Variants in MRPS30 observed in about 807,000 individuals in gnomAD.
MRPS30 encodes mitochondrial ribosomal protein S30.
Under a neutral mutation model 43.8 loss-of-function variants are expected in MRPS30, and 42 were observed. That is an observed-to-expected ratio of 0.96 (90% CI 0.75 to 1.24). MRPS30 has a LOEUF of 1.24. MRPS30 is among the 50% of genes most tolerant of loss of function. MRPS30 has a pLI of 0.00. For synonymous variants in MRPS30, 273 were observed against 228.2 expected (o/e 1.20, Z -1.77); for missense variants, 638 against 570.0 (o/e 1.12, Z -1.22).
Position 44,813,220 on chromosome 5 carries a change from T to C in MRPS30, c.968T>C (p.Val323Ala). ...AACTGTGCTGATCAGATAGAAGTTGTTTTTAGAGCTAATGCTATTGCAAGC... is the reference window on the plus strand; with the variant it reads ...AACTGTGCTGATCAGATAGAAGTTGCTTTTAGAGCTAATGCTATTGCAAGC... ...RQNCADQIEV[V>A]FRANAIASLF... The change falls in exon 4 of 5, where the codon GTT becomes GCT. Residue 323 changes from valine (V) to alanine (A), a missense_variant. Coordinates refer to ENST00000507110, the MANE Select transcript of MRPS30 (RefSeq NM_016640.4). The C allele has an allele frequency of 6.2e-7, 1 of 1,612,534 alleles. No homozygotes were observed. The highest frequency in any genetic ancestry group is 8.5e-7 in the Non-Finnish European group (1 of 1,179,372).
chr5:44,811,824 C>A, intron 2 of MRPS30, 91 bp from the exon 3 acceptor site: 1 of 782,160 alleles, frequency 1.3e-6, no homozygotes, highest in Non-Finnish European at 1.9e-6. Context: ...TGTGAAATCA[C>A]CTCATTTTAA....
Position 44,815,245 on chromosome 5 carries a change from A to G in MRPS30, c.*43A>G. On this transcript the variant is annotated 3_prime_UTR_variant, in exon 5 of 5. Transcript: ENST00000507110. ...AGAACTGTGGGAATATTTAAATTTT[A>G]CTGAAGGAACAATAATGATGAGATT... The G allele has an allele frequency of 6.8e-7, 1 of 1,462,626 alleles. No individual in the cohort carries two copies. The highest frequency in any genetic ancestry group is 9.1e-7 in the Non-Finnish European group (1 of 1,094,518). 90.6% of individuals were successfully genotyped at this position (1,462,626 alleles called of 1,614,324 possible). A position where few individuals can be genotyped will look rare whatever the true frequency, so the allele number is the denominator to read the frequency against.
rs774794875 is a variant in MRPS30 at position 44,809,261 on chromosome 5, T to G, written c.299T>G (p.Leu100Arg). The G allele has an allele frequency of 6.2e-7, 1 of 1,613,554 alleles. No individual in the cohort carries two copies. Among genetic ancestry groups the G allele is most frequent in the Admixed American group, 1.7e-5 (1 of 60,014 alleles). Residue 100 changes from leucine to arginine, a missense_variant, in exon 1 of 5, where the codon CTG (leucine) becomes CGG (arginine). Coordinates refer to ENST00000507110, the MANE Select transcript of MRPS30 (RefSeq NM_016640.4). ...ATGGTTTACCCGCAGACCTTCGCGC[T>G]GAATGCCGACCGCTGGTACCAGTAC... ...KYMVYPQTFALNADRWYQYFT... is the reference protein window; with the variant it reads ...KYMVYPQTFARNADRWYQYFT...
chr5:44,811,914 G>T lies in MRPS30; in HGVS notation c.748-1G>T. On this transcript the variant is annotated splice_acceptor_variant, in intron 2 of 4. Coordinates refer to ENST00000507110, the MANE Select transcript of MRPS30 (RefSeq NM_016640.4). LOFTEE classifies it high-confidence loss of function. ...TAGTATGTCTTTTCTTTTTCTTTAAGTTTGTGCCATTGGATTATTCTGTTC... is the reference window on the plus strand; with the variant it reads ...TAGTATGTCTTTTCTTTTTCTTTAATTTTGTGCCATTGGATTATTCTGTTC... 1 of 1,514,870 alleles carries T rather than the reference G, an allele frequency of 6.6e-7. No individual in the cohort carries two copies. Among genetic ancestry groups the T allele is most frequent in the Non-Finnish European group, 8.9e-7 (1 of 1,120,420 alleles). The allele number at this position is 1,514,870 out of a possible 1,614,324, so 93.8% of individuals were successfully genotyped here.
At chr5:44,813,411 C>A in intron 4 of MRPS30, 129 bp downstream of exon 4, 1 of 732,576 alleles carries the variant, frequency 1.4e-6, no homozygotes, top group Non-Finnish European at 2.1e-6. Flanking sequence ...TGCATTGGCA[C>A]AAAGTACAGT....
At chr5:44,812,295 A>C (rs1205860135) in intron 3 of MRPS30, among the ~76,000 whole-genome samples, 1 of 152,212 alleles carries the variant, frequency 6.6e-6, no homozygotes, top group Non-Finnish European at 1.5e-5. Flanking sequence ...TAGAAAAATT[A>C]GTGTTTTTTT....
rs780694871 is a variant in MRPS30, at chr5:44,809,058, C to A, written c.96C>A (p.Thr32=). ...ANAAATATET[T]CQDVAATPVA... The stretch of plus-strand genomic sequence containing the variant: ...CCGCCGCCACGGCTACAGAAACGAC[C>A]TGCCAAGACGTCGCGGCGACCCCCG... The change falls in exon 1 of 5, where the codon ACC becomes ACA. Residue 32 remains threonine (T), a synonymous_variant. Coordinates refer to ENST00000507110, the MANE Select transcript of MRPS30 (RefSeq NM_016640.4). 1 of 1,610,816 alleles carries A rather than the reference C, an allele frequency of 6.2e-7. No individual in the cohort carries two copies.
At position 44,809,634 on chromosome 5, in the gene MRPS30, T is replaced by G. The variant is rs1052792771; in HGVS notation, c.601+71T>G. The stretch of plus-strand genomic sequence containing the variant: ...TGTACTGGGTTACTCTGCCGCAGAT[T>G]TACCCCTCGTCATTTCTTTCTCTCT... On this transcript the variant is annotated intron_variant, in intron 1 of 4. Transcript: ENST00000507110. The G allele has an allele frequency of 1.7e-5, 24 of 1,407,512 alleles. No homozygotes were observed. The African/African-American group carries it at 3.5e-4, about 20-fold the overall frequency. The allele number at this position is 1,407,512 out of a possible 1,614,324, so 87.2% of individuals were successfully genotyped here.
Position 44,809,182 on chromosome 5 carries a change from G to GAGTCGGTAGACGAGAAGCTGCGA in MRPS30, c.222_244dup (p.Ile82SerfsTer3), listed in dbSNP as rs749378696. The GAGTCGGTAGACGAGAAGCTGCGA allele has an allele frequency of 1.9e-6, 3 of 1,612,550 alleles. No homozygotes were observed. Among genetic ancestry groups the GAGTCGGTAGACGAGAAGCTGCGA allele is most frequent in the Non-Finnish European group, 2.5e-6 (3 of 1,179,728 alleles). ...CTGGCAGGCGACGGTGCACGCTGCG[G>GAGTCGGTAGACGAGAAGCTGCGA]AGTCGGTAGACGAGAAGCTGCGAAT... On this transcript the variant is annotated frameshift_variant, in exon 1 of 5. Coordinates refer to ENST00000507110, the MANE Select transcript of MRPS30 (RefSeq NM_016640.4). LOFTEE classifies it high-confidence loss of function.
Position 44,811,007 on chromosome 5 carries a change from A to C in MRPS30, c.602-2A>C, listed in dbSNP as rs1422523046. On this transcript the variant is annotated splice_acceptor_variant, in intron 1 of 4. Coordinates refer to ENST00000507110, the MANE Select transcript of MRPS30 (RefSeq NM_016640.4). LOFTEE classifies it high-confidence loss of function. ...AAAAAATTTTGAATATCTTTTTGAT[A>C]GATTATAGATGCCCAGTTCATTTTT... 3.7e-6 allele frequency: 6 copies of C among 1,611,896 alleles called. No individual in the cohort carries two copies. The highest frequency in any genetic ancestry group is 5.1e-6 in the Non-Finnish European group (6 of 1,179,162).
chr5:44,811,178 A>G (rs748264992), intron 2 of MRPS30, 24 bp downstream of exon 2: 1 of 1,609,212 alleles, frequency 6.2e-7, no homozygotes, highest in Non-Finnish European at 8.5e-7. Context: ...GCGATTATGT[A>G]TCTATTGATA....
At chr5:44,809,846 A>C in intron 1 of MRPS30, 1 of 411,244 alleles carries the variant, frequency 2.4e-6, no homozygotes, top group Non-Finnish European at 4.3e-6. Flanking sequence ...GTGTTCAGCC[A>C]AATGGAAGAG....
rs879491815 is a variant in MRPS30 at position 44,815,365 on chromosome 5, T to G, written c.*163T>G. ...CTCTTACTCTGCTCAAATTCATCAC[T>G]GAAAGATTTAATTTTAGTTACCTTT... On this transcript the variant is annotated 3_prime_UTR_variant, in exon 5 of 5. Coordinates refer to ENST00000507110, the MANE Select transcript of MRPS30 (RefSeq NM_016640.4). 3.4e-6 allele frequency: 2 copies of G among 596,694 alleles called. No individual in the cohort carries two copies. The highest frequency in any genetic ancestry group is 2.7e-6 in the Non-Finnish European group (1 of 373,990). The allele number at this position is 596,694 out of a possible 1,614,324, so 37.0% of individuals were successfully genotyped here. A position where few individuals can be genotyped will look rare whatever the true frequency, so the allele number is the denominator to read the frequency against.
At chr5:44,809,757 G>A in intron 1 of MRPS30, 194 bp downstream of exon 1, 1 of 611,532 alleles carries the variant, frequency 1.6e-6, no homozygotes, top group Non-Finnish European at 2.8e-6. Flanking sequence ...GGTGTGTGTG[G>A]CTGCGCTAAC....
intron 1 of MRPS30, 101 bp from the exon 2 acceptor site, chr5:44,810,908 C>T: frequency 1.9e-6 from 2 of 1,034,422 alleles, no homozygotes; most frequent in East Asian, 5.3e-5. Flanking sequence ...TCAATCATTC[C>T]TAAGTTATCA....
intron 2 of MRPS30, among the ~76,000 whole-genome samples, 181 bp from the exon 3 acceptor site, chr5:44,811,734 T>A (rs548202422): frequency 1.6e-4 from 25 of 152,338 alleles, no homozygotes; most frequent in African/African-American, 5.8e-4. Context: ...TCGGCTGTGT[T>A]CCAGTAAAAC....
At chr5:44,813,433 C>T (rs1579858388) in intron 4 of MRPS30, 151 bp downstream of exon 4, 2 of 630,188 alleles carry the variant, frequency 3.2e-6, no homozygotes, top group East Asian at 6.4e-5. Context: ...GTTTTAAAAT[C>T]CTCGTTTAAA....
Position 44,814,894 on chromosome 5 carries a change from G to A in MRPS30, c.1031-19G>A, listed in dbSNP as rs367724156. The A allele has an allele frequency of 9.5e-6, 15 of 1,579,220 alleles. No individual in the cohort carries two copies. The highest frequency in any genetic ancestry group is 2.7e-5 in the African/African-American group (2 of 73,720). On this transcript the variant is annotated intron_variant, in intron 4 of 4. Transcript: ENST00000507110. ...AGATATATTCTATGTGTAAATTTCA[G>A]CATAACTTTCTTCTACAGGATTCTG...
rs764673573 is a variant in MRPS30, at chr5:44,813,156, T to C, written c.904T>C (p.Leu302=). The C allele has an allele frequency of 4.3e-6, 7 of 1,613,390 alleles. No homozygotes were observed. The African/African-American group carries it at 9.3e-5, about 22-fold the overall frequency. ...CCYGHTQFHL[L]PDKLRRERLL... is the part of the protein sequence containing the mutation. ...TTACGGTCACACCCAGTTTCATCTG[T>C]TACCTGACAAATTAAGAAGGGAAAG... Residue 302 remains leucine (L), a synonymous_variant, in exon 4 of 5, where the codon TTA becomes CTA. Transcript: ENST00000507110.
Sources: gnomAD v4.1 joint callset for allele counts (sites outside exome capture counted in the v4.1 genomes callset) on GRCh38, gnomAD v4.1.1 for gene constraint, MANE v1.5 for transcripts, NCBI Gene and HGNC (gene_info 2026-07-23, HGNC 2026-07-21) for gene names.